The following CARS2 variants were observed in gnomAD, a reference collection of about 807,000 sequenced individuals.
CARS2 encodes the protein probable cysteine--tRNA ligase, mitochondrial.
Under a neutral mutation model 68.8 loss-of-function variants are expected in CARS2, and 52 were observed. That is an observed-to-expected ratio of 0.76 (90% confidence interval 0.61 to 0.95). The LOEUF (loss-of-function observed/expected upper bound fraction) is 0.95, where lower values mean the gene tolerates loss of function less well. Ranked by LOEUF, CARS2 falls within the 40% of genes least tolerant of loss-of-function variation. CARS2 has a pLI of 0.00. For missense variants in CARS2, 780 were observed against 754.2 expected (o/e 1.03, Z -0.40); for synonymous variants, 314 against 303.6 (o/e 1.03, Z -0.36).
intron 3 of CARS2, among the ~76,000 whole-genome samples, chr13:110,689,537 G>A (rs2139868200): frequency 6.6e-6 from 1 of 152,334 alleles, no homozygotes; most frequent in Middle Eastern, 3.4e-3. Flanking sequence ...CCCAGGTGTT[G>A]TTTAAGCTTT....
In CARS2 at chr13:110,676,888, C is replaced by T. The variant is rs1363949526; in HGVS notation, c.785+86G>A. ...CCATGGGCACACGTGCCAGGCTGCA[C>T]CTGCTCCCATGCACATCCTCTGCTG... On this transcript the variant is annotated intron_variant, in intron 7 of 14. Coordinates refer to ENST00000257347, the MANE Select transcript of CARS2 (RefSeq NM_024537.4). This position sits in a 1 kb window ranked among gnomAD's most constrained non-coding sequence, Gnocchi z 4.0. 6 of 1,426,648 alleles carry T rather than the reference C, an allele frequency of 4.2e-6. No individual in the cohort carries two copies. In the African/African-American group the frequency reaches 5.8e-5, roughly 14 times the overall value. 88.4% of individuals were successfully genotyped at this position (1,426,648 alleles called of 1,614,324 possible).
chr13:110,662,752 A>G (rs2062544430), intron 9 of CARS2: 2 of 177,700 alleles, frequency 1.1e-5, no homozygotes, highest in Admixed American at 1.2e-4. Flanking sequence ...ACTATATACA[A>G]ATTATTTTGT....
upstream of CARS2, chr13:110,706,205 C>T: frequency 1.4e-6 from 1 of 738,912 alleles, no homozygotes; most frequent in Non-Finnish European, 1.8e-6. Flanking sequence ...CTTGGGGCCA[C>T]GCCCACTCCC....
chr13:110,646,185 GC>G (rs1888095569), intron 11 of CARS2, 95 bp from the exon 12 acceptor site: 2 of 1,407,626 alleles, frequency 1.4e-6, no homozygotes, highest in Admixed American at 4.7e-5. Flanking sequence ...GACGCTGGGG[GC>G]TCTAATCTGG....
At chr13:110,667,758 T>C (rs2062689486) in intron 7 of CARS2, among the ~76,000 whole-genome samples, 1 of 152,248 alleles carries the variant, frequency 6.6e-6, no homozygotes, top group East Asian at 1.9e-4. Context: ...AAAAATTACC[T>C]TTACTTACTT....
At chr13:110,651,001 G>C (rs768436798) in intron 10 of CARS2, 33 bp downstream of exon 10, 158 of 1,532,444 alleles carry the variant, frequency 1.0e-4, no homozygotes, top group South Asian at 2.0e-4. Context: ...TCCGAGCTGG[G>C]GGGGGAGTCC....
intron 5 of CARS2, among the ~76,000 whole-genome samples, chr13:110,685,520 G>C (rs921792974): frequency 6.6e-6 from 1 of 152,106 alleles, no homozygotes; most frequent in Non-Finnish European, 1.5e-5. Context: ...CAATACCTAC[G>C]TATCTTCAGC....
At chr13:110,673,287 G>C (rs879947830) in intron 7 of CARS2, among the ~76,000 whole-genome samples, 1 of 152,188 alleles carries the variant, frequency 6.6e-6, no homozygotes, top group Admixed American at 6.5e-5. Context: ...CAATAGCCCT[G>C]ATGAACATCG....
chr13:110,712,627 G>A (rs976875663), intron 1 of CARS2: 8 of 539,984 alleles, frequency 1.5e-5, no homozygotes, highest in East Asian at 1.1e-4. Context: ...CTTTGGGAGG[G>A]TAGAGGGGCG....
Position 110,653,850 on chromosome 13 carries a change from C to T in CARS2, c.988-2750G>A, listed in dbSNP as rs2062288444. Among the ~76,000 whole-genome samples the T allele has an allele frequency of 6.6e-6, 1 of 152,188 alleles. No homozygotes were observed. The highest frequency in any genetic ancestry group is 6.5e-5 in the Admixed American group (1 of 15,272). On this transcript the variant is annotated intron_variant, in intron 9 of 14. Transcript: ENST00000257347. This position sits in a 1 kb window ranked among gnomAD's most constrained non-coding sequence, Gnocchi z 5.6. ...AACTCTTGAATACTGTGGGTGCACA[C>T]GGACATTAATTTTTTAGCGTGTTCC...
chr13:110,699,973 G>A (rs950056395), intron 3 of CARS2, among the ~76,000 whole-genome samples: 3 of 152,208 alleles, frequency 2.0e-5, no homozygotes, highest in Non-Finnish European at 2.9e-5. Context: ...CAGCCTGCAC[G>A]GGAAAGAGAC....
intron 8 of CARS2, chr13:110,664,535 A>C (rs1048138760): frequency 2.0e-5 from 17 of 846,324 alleles, no homozygotes; most frequent in Non-Finnish European, 2.3e-5. Context: ...ATAAATAAAT[A>C]CACCAACCAA....
At chr13:110,651,334 G>C (rs890213563) in intron 9 of CARS2, 11 of 498,856 alleles carry the variant, frequency 2.2e-5, no homozygotes, top group African/African-American at 1.2e-4. Flanking sequence ...AGAGAAAGCC[G>C]GTTTGCACTG....
intron 3 of CARS2, chr13:110,697,882 G>A (rs766493960): frequency 2.9e-5 from 13 of 447,562 alleles, no homozygotes; most frequent in Non-Finnish European, 5.3e-5. Flanking sequence ...CCAGTTATGA[G>A]AAAGACAAAT....
chr13:110,712,539 G>GGGGGGC (rs757317394), intron 1 of CARS2: 1 of 310,568 alleles, frequency 3.2e-6, no homozygotes, highest in Non-Finnish European at 6.3e-6. Flanking sequence ...AAGGGGGGGG[G>GGGGGGC]CCGGCGCGCG....
In CARS2 at chr13:110,674,314, C is replaced by A. The variant is rs572872353; in HGVS notation, c.785+2660G>T. On this transcript the variant is annotated intron_variant, in intron 7 of 14. Transcript: ENST00000257347. ...AGGCATCATGCTACCTGACTTCAAA[C>A]TATACTACAAGGCTACAGTAACCAA... 4.6e-5 allele frequency among the ~76,000 whole-genome samples: 7 copies of A among 152,080 alleles called. No individual in the cohort carries two copies. The South Asian group carries it at 1.5e-3, about 32-fold the overall frequency.
chr13:110,651,649 T>C (rs1361658479), intron 9 of CARS2, among the ~76,000 whole-genome samples: 1 of 152,262 alleles, frequency 6.6e-6, no homozygotes, highest in Non-Finnish European at 1.5e-5. Context: ...GTCTGTCTCT[T>C]GAAGACTAAA....
At chr13:110,663,639 A>C (rs2062570045) in intron 8 of CARS2, 121 bp from the exon 9 acceptor site, 1 of 1,453,930 alleles carries the variant, frequency 6.9e-7, no homozygotes, top group Non-Finnish European at 9.0e-7. Flanking sequence ...AGACCAGTGT[A>C]TGTTGGTATA....
At chr13:110,696,303 G>T (rs1486088384) in intron 3 of CARS2, among the ~76,000 whole-genome samples, 1 of 152,180 alleles carries the variant, frequency 6.6e-6, no homozygotes, top group East Asian at 1.9e-4. Flanking sequence ...GGATTGCTGG[G>T]TTAAATGGTA....
Sources: allele counts gnomAD v4.1 joint callset (sites outside exome capture counted in the v4.1 genomes callset), GRCh38; gene constraint gnomAD v4.1.1; non-coding constraint Gnocchi (gnomAD v3.1); transcripts MANE v1.5; gene names NCBI Gene and HGNC (gene_info 2026-07-23, HGNC 2026-07-21).